IFT43: variants seen among roughly 807,000 people sequenced by gnomAD.
IFT43 encodes intraflagellar transport protein 43 homolog.
In IFT43, 33 loss-of-function variants were observed where a neutral mutation model predicts 32.3. The ratio of observed to expected loss-of-function variants is 1.02; its 90% CI spans 0.77 to 1.37. The LOEUF is 1.37. Ranked by LOEUF, IFT43 falls within the 40% of genes most tolerant of loss-of-function variation. The probability of loss-of-function intolerance (pLI) is 0.00; values close to 1 mark genes in which losing one functional copy is unlikely to be tolerated. For missense variants in IFT43, 274 were observed against 265.9 expected, an observed-to-expected ratio of 1.03 and a Z score of -0.21; for synonymous variants, 93 against 98.2, an observed-to-expected ratio of 0.95 and a Z score of 0.31.
At chr14:75,991,388 A>AGT (rs34624480) in intron 2 of IFT43, among the ~76,000 whole-genome samples, 4,583 of 141,944 alleles carry the variant, frequency 0.032, 73 homozygotes, top group South Asian at 0.058. Flanking sequence ...TATTAACAAG[A>AGT]GTGTGTGTGT....
intron 3 of IFT43, among the ~76,000 whole-genome samples, chr14:76,054,026 C>A (rs888478): frequency 0.84 from 127,451 of 152,158 alleles, 53,498 homozygotes; most frequent in Non-Finnish European, 0.86. Flanking sequence ...AGAAGAAAGT[C>A]GGCAACTCAG....
At chr14:76,051,863 T>C (rs888537499) in intron 3 of IFT43, among the ~76,000 whole-genome samples, 2 of 152,238 alleles carry the variant, frequency 1.3e-5, no homozygotes, top group African/African-American at 4.8e-5. Context: ...TTGTCTCTTT[T>C]GTAATGGGAA....
chr14:75,986,537 A>G (rs58585105), intron 1 of IFT43, among the ~76,000 whole-genome samples: 2,850 of 152,252 alleles, frequency 0.019, 86 homozygotes, highest in African/African-American at 0.065. Context: ...TGAAAAGGAA[A>G]TGCAACAATA....
chr14:76,010,702 A>G (rs1158895449), intron 2 of IFT43, among the ~76,000 whole-genome samples: 1 of 152,082 alleles, frequency 6.6e-6, no homozygotes, highest in African/African-American at 2.4e-5. Context: ...ATATTTTCCT[A>G]GAAAGCCACA....
At chr14:76,029,793 G>C (rs973970432) in intron 3 of IFT43, among the ~76,000 whole-genome samples, 2 of 151,636 alleles carry the variant, frequency 1.3e-5, no homozygotes, top group African/African-American at 4.8e-5. Context: ...TCTAGTTCTA[G>C]ATATTCTGTT....
At chr14:76,027,354 T>TTTC (rs1555364934) in intron 3 of IFT43, among the ~76,000 whole-genome samples, 1 of 149,356 alleles carries the variant, frequency 6.7e-6, no homozygotes, top group Non-Finnish European at 1.5e-5. Flanking sequence ...ACACACTTTT[T>TTTC]CCCAAACCTG....
chr14:75,998,505 T>C (rs2035790072), intron 2 of IFT43, among the ~76,000 whole-genome samples: 1 of 152,166 alleles, frequency 6.6e-6, no homozygotes. Flanking sequence ...AGGAAACACA[T>C]AGCCAAAAAA....
chr14:76,050,868 G>A (rs1403860162), intron 3 of IFT43, among the ~76,000 whole-genome samples: 1 of 152,098 alleles, frequency 6.6e-6, no homozygotes, highest in Non-Finnish European at 1.5e-5. Flanking sequence ...CTTGATAGCA[G>A]GCATATTACA....
At chr14:76,018,018 G>A (rs904853675) in intron 2 of IFT43, among the ~76,000 whole-genome samples, 7 of 151,362 alleles carry the variant, frequency 4.6e-5, no homozygotes, top group African/African-American at 7.3e-5. Flanking sequence ...TTCATTGATC[G>A]TTTGTATTTT....
At chr14:76,052,069 CCT>C (rs1169243689) in intron 3 of IFT43, among the ~76,000 whole-genome samples, 2 of 152,172 alleles carry the variant, frequency 1.3e-5, no homozygotes, top group Admixed American at 6.5e-5. Flanking sequence ...GCCTGTTCTG[CCT>C]TGCAGCAGGG....
intron 2 of IFT43, among the ~76,000 whole-genome samples, chr14:75,999,252 TA>T (rs1566699357): frequency 0.011 from 123 of 11,424 alleles, 5 homozygotes; most frequent in African/African-American, 0.041. Context: ...TATATATATA[TA>T]TATATATATA....
chr14:76,066,016 C>G (rs1594858611), intron 5 of IFT43, among the ~76,000 whole-genome samples: 1 of 152,306 alleles, frequency 6.6e-6, no homozygotes, highest in African/African-American at 2.4e-5. Flanking sequence ...GAATATGGAC[C>G]TTGACCTCAG....
intron 5 of IFT43, among the ~76,000 whole-genome samples, chr14:76,061,876 A>G (rs1443365228): frequency 6.6e-6 from 1 of 152,068 alleles, no homozygotes; most frequent in Non-Finnish European, 1.5e-5. Flanking sequence ...AAATCCTCCA[A>G]TATACATTTC....
chr14:76,008,740 T>C (rs148182152), intron 2 of IFT43, among the ~76,000 whole-genome samples: 4 of 152,332 alleles, frequency 2.6e-5, no homozygotes, highest in African/African-American at 9.6e-5. Context: ...GAAAATATCT[T>C]GTAGCATGCA....
intron 5 of IFT43, among the ~76,000 whole-genome samples, chr14:76,067,422 T>A (rs148954383): frequency 1.3e-5 from 2 of 151,604 alleles, no homozygotes; most frequent in East Asian, 3.9e-4. Flanking sequence ...AAAAAAAAAT[T>A]AGTCGTGTGT....
intron 2 of IFT43, among the ~76,000 whole-genome samples, chr14:75,992,343 A>G (rs2035660523): frequency 6.6e-6 from 1 of 152,206 alleles, no homozygotes; most frequent in Admixed American, 6.5e-5. Context: ...CTTTTTAATA[A>G]ACTGAAAAGC....
At chr14:76,045,233 C>T (rs1276781228) in intron 3 of IFT43, among the ~76,000 whole-genome samples, 2 of 152,200 alleles carry the variant, frequency 1.3e-5, no homozygotes, top group African/African-American at 4.8e-5. Flanking sequence ...AGGGTCTGCT[C>T]ATCTTTTTCC....
At chr14:76,036,348 C>T (rs1045859876) in intron 3 of IFT43, among the ~76,000 whole-genome samples, 4 of 149,232 alleles carry the variant, frequency 2.7e-5, no homozygotes, top group Admixed American at 2.0e-4. Flanking sequence ...TCCTTCCTTC[C>T]TTTTTTTTGT....
chr14:75,995,311 C>T (rs1008179804), intron 2 of IFT43, among the ~76,000 whole-genome samples: 3 of 152,134 alleles, frequency 2.0e-5, no homozygotes, highest in Admixed American at 1.3e-4. Context: ...TTGGAAAGGG[C>T]GGAGAGACTT....
Sources: allele counts gnomAD v4.1 joint callset (sites outside exome capture counted in the v4.1 genomes callset), GRCh38; gene constraint gnomAD v4.1.1; transcripts MANE v1.5; gene names NCBI Gene and HGNC (gene_info 2026-07-23, HGNC 2026-07-21).